Variants in EYS observed in about 807,000 individuals in gnomAD.
The protein encoded by EYS is EGF-like photoreceptor maintenance factor.
EYS carries 250 observed loss-of-function variants against 282.1 expected under a neutral mutation model. The observed-to-expected ratio is 0.89, with a 90% CI of 0.80 to 0.98. EYS has a LOEUF of 0.98. Among genes scored for constraint, EYS ranks in the 50% least tolerant of loss-of-function variants. The probability of loss-of-function intolerance (pLI) is 0.00; values close to 1 mark genes in which losing one functional copy is unlikely to be tolerated. For missense variants in EYS, 4,016 were observed against 3,709.0 expected (o/e 1.08, Z -2.15); for synonymous variants, 1,355 against 1,282.9 (o/e 1.06, Z -1.20).
intron 12 of EYS, among the ~76,000 whole-genome samples, chr6:65,085,767 C>G (rs1453294514): frequency 6.6e-6 from 1 of 152,036 alleles, no homozygotes; most frequent in Non-Finnish European, 1.5e-5. Context: ...TTTCTCTATT[C>G]CCTTTACGTA....
chr6:65,488,462 C>G (rs1031486304), intron 5 of EYS, among the ~76,000 whole-genome samples: 10 of 152,024 alleles, frequency 6.6e-5, no homozygotes, highest in African/African-American at 2.2e-4. Context: ...AACCACTGCT[C>G]AAGGAAATAA....
intron 12 of EYS, among the ~76,000 whole-genome samples, chr6:65,178,573 G>A (rs1765289290): frequency 6.6e-6 from 1 of 151,946 alleles, no homozygotes; most frequent in African/African-American, 2.4e-5. Context: ...AGTCCTGAGT[G>A]ACCTACAAAG....
chr6:64,671,165 G>A (rs894671945), intron 22 of EYS, among the ~76,000 whole-genome samples: 3 of 152,088 alleles, frequency 2.0e-5, no homozygotes, highest in South Asian at 2.1e-4. Flanking sequence ...AAGATAAAGC[G>A]TCAGACCATC....
At chr6:64,707,382 AT>A (rs1248638854) in intron 22 of EYS, among the ~76,000 whole-genome samples, 1 of 152,028 alleles carries the variant, frequency 6.6e-6, no homozygotes, top group Non-Finnish European at 1.5e-5. Context: ...AAGACTACAT[AT>A]TGGGGGCCAG....
intron 2 of EYS, among the ~76,000 whole-genome samples, chr6:65,603,634 C>T (rs2149791209): frequency 6.6e-6 from 1 of 152,082 alleles, no homozygotes; most frequent in East Asian, 1.9e-4. Flanking sequence ...TACATAAGTA[C>T]TCTTCTGTTC....
intron 22 of EYS, among the ~76,000 whole-genome samples, chr6:64,737,173 T>G (rs1772212284): frequency 6.6e-6 from 1 of 152,208 alleles, no homozygotes; most frequent in Non-Finnish European, 1.5e-5. Flanking sequence ...AATAATCCAC[T>G]GTGATATAAA....
At chr6:63,943,243 CA>C (rs1041912299) in intron 35 of EYS, among the ~76,000 whole-genome samples, 2 of 152,110 alleles carry the variant, frequency 1.3e-5, no homozygotes, top group African/African-American at 4.8e-5. Context: ...CAAGACTCTC[CA>C]AATAAAAATT....
intron 5 of EYS, among the ~76,000 whole-genome samples, chr6:65,426,812 A>C (rs540218945): frequency 1.3e-5 from 2 of 151,994 alleles, no homozygotes; most frequent in Admixed American, 1.3e-4. Context: ...GATGTTAATA[A>C]GTTATAAACC....
intron 2 of EYS, among the ~76,000 whole-genome samples, chr6:65,573,428 A>T (rs545965928): frequency 2.0e-5 from 3 of 152,156 alleles, no homozygotes; most frequent in Non-Finnish European, 4.4e-5. Context: ...ATCAATAGCT[A>T]TCCTGGCTGA....
At chr6:64,296,975 G>T (rs555960383) in intron 30 of EYS, among the ~76,000 whole-genome samples, 2 of 152,254 alleles carry the variant, frequency 1.3e-5, no homozygotes, top group South Asian at 4.1e-4. Context: ...CCAGGTGAAG[G>T]CTTCTAAATT....
chr6:65,046,924 T>C (rs1773120064), intron 13 of EYS, among the ~76,000 whole-genome samples: 1 of 151,696 alleles, frequency 6.6e-6, no homozygotes, highest in Non-Finnish European at 1.5e-5. Flanking sequence ...GGAGATCTGG[T>C]CATTTAAAAG....
intron 29 of EYS, among the ~76,000 whole-genome samples, chr6:64,319,067 A>G (rs983445153): frequency 1.3e-5 from 2 of 151,788 alleles, no homozygotes; most frequent in Non-Finnish European, 2.9e-5. Flanking sequence ...TTGAATCAGT[A>G]AAGTCCTTTC....
intron 13 of EYS, among the ~76,000 whole-genome samples, chr6:65,016,702 G>A (rs1772064454): frequency 6.6e-6 from 1 of 152,138 alleles, no homozygotes; most frequent in Non-Finnish European, 1.5e-5. Context: ...AGACTGGACA[G>A]TATAAATTCT....
rs150199591 is a variant in EYS, at chr6:64,258,500, CAAAAG to C, written c.6192-27681_6192-27677del. Among the ~76,000 whole-genome samples the C allele has an allele frequency of 1.1e-4, 17 of 151,852 alleles. No individual in the cohort carries two copies. In the East Asian group the frequency reaches 3.1e-3, roughly 28 times the overall value. On this transcript the variant is annotated intron_variant, in intron 30 of 42. Coordinates refer to ENST00000503581, the MANE Select transcript of EYS (RefSeq NM_001142800.2). ...GATAAAGTGGGTAAATGACAACAAACAAAAGAAAAAAGTGTGACCCTTGAATCTTG... is the reference window on the plus strand; with the variant it reads ...GATAAAGTGGGTAAATGACAACAAACAAAAAAGTGTGACCCTTGAATCTTG...
In EYS at chr6:65,307,875, C is replaced by G. The variant is rs1769054274; in HGVS notation, c.1767-11756G>C. On this transcript the variant is annotated intron_variant, in intron 11 of 42. Coordinates refer to ENST00000503581, the MANE Select transcript of EYS (RefSeq NM_001142800.2). ...GTATCTAATCTTGTCCAACAAAAAC[C>G]TAGGTAACTTTGGAAGTTTTCTTCT... Among the ~76,000 whole-genome samples, 3 of 142,718 alleles carry G rather than the reference C, an allele frequency of 2.1e-5. No individual in the cohort carries two copies. In the South Asian group the frequency reaches 7.2e-4, roughly 34 times the overall value. 93.6% of individuals were successfully genotyped at this position (142,718 alleles called of 152,430 possible).
intron 22 of EYS, among the ~76,000 whole-genome samples, chr6:64,665,923 G>T (rs1226655688): frequency 1.5e-4 from 4 of 27,046 alleles, no homozygotes; most frequent in Admixed American, 1.5e-3. Flanking sequence ...CTAGTGAGGG[G>T]GTGGCTGGAG....
chr6:64,144,391 C>T (rs1774442184), intron 31 of EYS, among the ~76,000 whole-genome samples: 1 of 152,148 alleles, frequency 6.6e-6, no homozygotes, highest in South Asian at 2.1e-4. Context: ...AGAGAAAACT[C>T]TTCCAAAAGG....
intron 36 of EYS, among the ~76,000 whole-genome samples, chr6:63,832,293 A>G (rs1343561154): frequency 1.3e-5 from 2 of 152,130 alleles, no homozygotes; most frequent in Non-Finnish European, 2.9e-5. Context: ...TTTTTTGAAA[A>G]GATCAACAAA....
At chr6:65,049,234 C>G (rs191134359) in intron 13 of EYS, among the ~76,000 whole-genome samples, 1 of 151,832 alleles carries the variant, frequency 6.6e-6, no homozygotes, top group African/African-American at 2.4e-5. Context: ...CCTTGGGTGA[C>G]AGTTCTGGTT....
Sources: gnomAD v4.1 joint callset for allele counts (sites outside exome capture counted in the v4.1 genomes callset) on GRCh38, gnomAD v4.1.1 for gene constraint, MANE v1.5 for transcripts, NCBI Gene and HGNC (gene_info 2026-07-23, HGNC 2026-07-21) for gene names.